CNOT6L: variants seen among roughly 807,000 people sequenced by gnomAD.
CNOT6L encodes CCR4-NOT transcription complex subunit 6-like.
Under a neutral mutation model 64.0 loss-of-function variants are expected in CNOT6L, and 7 were observed. The ratio of observed to expected loss-of-function variants is 0.11; its 90% CI spans 0.06 to 0.21. The LOEUF (loss-of-function observed/expected upper bound fraction) is 0.21. CNOT6L is among the 10% of genes least tolerant of loss of function. The probability of loss-of-function intolerance (pLI) is 1.00; values close to 1 mark genes in which losing one functional copy is unlikely to be tolerated. For synonymous variants in CNOT6L, 193 were observed against 243.4 expected (o/e 0.79, Z 1.93); for missense variants, 245 against 669.0 (o/e 0.37, Z 6.99).
chr4:77,806,003 C>A (rs1290287336), intron 1 of CNOT6L, among the ~76,000 whole-genome samples: 2 of 152,200 alleles, frequency 1.3e-5, no homozygotes, highest in African/African-American at 2.4e-5. Context: ...TTTTCTCATT[C>A]GTCTCTGACT....
At chr4:77,721,461 T>C (rs1025965891) in intron 11 of CNOT6L, among the ~76,000 whole-genome samples, 7 of 152,168 alleles carry the variant, frequency 4.6e-5, no homozygotes, top group Admixed American at 6.6e-5. Flanking sequence ...TGAGCCCAAG[T>C]AGGGAGAAAT....
At chr4:77,814,503 G>A (rs1178783400) in intron 1 of CNOT6L, among the ~76,000 whole-genome samples, 10 of 152,032 alleles carry the variant, frequency 6.6e-5, no homozygotes, top group Non-Finnish European at 1.3e-4. Flanking sequence ...TAGTTCATTT[G>A]TTTTGAAATA....
intron 4 of CNOT6L, among the ~76,000 whole-genome samples, chr4:77,763,219 CAA>C (rs1216324979): frequency 6.6e-6 from 1 of 151,808 alleles, no homozygotes; most frequent in African/African-American, 2.4e-5. Flanking sequence ...ACATTAAAAA[CAA>C]AGAGTAGAAT....
chr4:77,809,833 G>A (rs1732705906), intron 1 of CNOT6L, among the ~76,000 whole-genome samples: 1 of 151,942 alleles, frequency 6.6e-6, no homozygotes, highest in African/African-American at 2.4e-5. Flanking sequence ...AGAGAGGGAG[G>A]TTCTCTCTGC....
chr4:77,778,903 G>A (rs1442299520), intron 1 of CNOT6L, among the ~76,000 whole-genome samples: 15 of 151,250 alleles, frequency 9.9e-5, no homozygotes, highest in Non-Finnish European at 2.1e-4. Flanking sequence ...AAAAATTAGC[G>A]GGGCGTGGTG....
At chr4:77,721,876 G>A (rs1417136212) in intron 11 of CNOT6L, among the ~76,000 whole-genome samples, 2 of 152,046 alleles carry the variant, frequency 1.3e-5, no homozygotes, top group Non-Finnish European at 2.9e-5. Context: ...GAAGGCTGAG[G>A]CAGGAGGCTC....
Position 77,713,639 on chromosome 4 carries a change from G to GA in CNOT6L, c.*6791dup, listed in dbSNP as rs1330459124. ...TTTTTTAGTCAATGTTCACATTAAT[G>GA]AAAAAATACTACCAACCGTGTCCTT... On this transcript the variant is annotated 3_prime_UTR_variant, in exon 12 of 12. Coordinates refer to ENST00000504123, the MANE Select transcript of CNOT6L (RefSeq NM_144571.3). 1.3e-5 allele frequency: 2 copies of GA among 152,534 alleles called. No homozygotes were observed. Among genetic ancestry groups the GA allele is most frequent in the African/African-American group, 4.8e-5 (2 of 41,428 alleles). The allele number at this position is 152,534 out of a possible 1,614,324, so 9.4% of individuals were successfully genotyped here. A position where few individuals can be genotyped will look rare whatever the true frequency, so the allele number is the denominator to read the frequency against.
chr4:77,749,210 A>G (rs1209418231), intron 5 of CNOT6L, among the ~76,000 whole-genome samples: 2 of 152,174 alleles, frequency 1.3e-5, no homozygotes, highest in African/African-American at 4.8e-5. Flanking sequence ...CTGAAAGTCT[A>G]CCTATATGAT....
intron 4 of CNOT6L, among the ~76,000 whole-genome samples, chr4:77,765,932 A>G (rs574117240): frequency 1.5e-3 from 229 of 152,348 alleles, no homozygotes; most frequent in African/African-American, 5.3e-3. Flanking sequence ...TGCATGCAAT[A>G]CAAACTGACT....
intron 4 of CNOT6L, among the ~76,000 whole-genome samples, chr4:77,767,906 G>T (rs538200472): frequency 6.7e-6 from 1 of 150,088 alleles, no homozygotes; most frequent in East Asian, 2.0e-4. Context: ...TTGAACCCAG[G>T]AGGCAGAGGT....
At chr4:77,795,064 G>GGCTGGAGT (rs1730675333) in intron 1 of CNOT6L, among the ~76,000 whole-genome samples, 1 of 141,916 alleles carries the variant, frequency 7.0e-6, no homozygotes, top group African/African-American at 2.6e-5. Context: ...TTGTTGCCTA[G>GGCTGGAGT]GCTGGAGTGC....
chr4:77,753,264 G>A lies in CNOT6L; in HGVS notation c.490+3598C>T, dbSNP rs78471270. On this transcript the variant is annotated intron_variant, in intron 5 of 11. Coordinates refer to ENST00000504123, the MANE Select transcript of CNOT6L (RefSeq NM_144571.3). ...AATTCTTCCAAACAACAGAAAATAA[G>A]GAAATACTTAAATAAATTTTACAAA... 5.7e-3 allele frequency among the ~76,000 whole-genome samples: 837 copies of A among 147,338 alleles called. 35 individuals carry two copies. The East Asian group carries it at 0.093, about 16-fold the overall frequency.
At chr4:77,728,812 A>G in intron 10 of CNOT6L, 42 bp downstream of exon 10, 1 of 1,527,672 alleles carries the variant, frequency 6.5e-7, no homozygotes, top group Middle Eastern at 1.7e-4. Context: ...ACCAAGAGTA[A>G]AAGTGAAATT....
At chr4:77,787,289 A>G (rs543523567) in intron 1 of CNOT6L, among the ~76,000 whole-genome samples, 1 of 152,158 alleles carries the variant, frequency 6.6e-6, no homozygotes, top group Admixed American at 6.5e-5. Flanking sequence ...AATAATAATA[A>G]TAATAGATGA....
intron 4 of CNOT6L, among the ~76,000 whole-genome samples, chr4:77,770,208 C>T (rs1000582939): frequency 2.0e-5 from 3 of 151,938 alleles, no homozygotes; most frequent in African/African-American, 7.3e-5. Flanking sequence ...CAAATCATTA[C>T]TAAAATTTCA....
chr4:77,723,661 A>G (rs1171744357), intron 11 of CNOT6L, among the ~76,000 whole-genome samples: 1 of 152,046 alleles, frequency 6.6e-6, no homozygotes, highest in African/African-American at 2.4e-5. Context: ...CAGCCAGCCT[A>G]TTTATCTTCC....
intron 5 of CNOT6L, among the ~76,000 whole-genome samples, chr4:77,752,522 T>TA (rs1308084859): frequency 2.0e-5 from 3 of 152,138 alleles, no homozygotes; most frequent in African/African-American, 7.2e-5. Context: ...TTAATCAAGA[T>TA]ATGTTCTCTA....
intron 1 of CNOT6L, among the ~76,000 whole-genome samples, chr4:77,810,934 T>G (rs555679253): frequency 6.6e-6 from 1 of 152,118 alleles, no homozygotes; most frequent in South Asian, 2.1e-4. Context: ...CTTAACACAG[T>G]GTCCTCTAGT....
At chr4:77,775,345 G>GA (rs1349847529) in intron 2 of CNOT6L, among the ~76,000 whole-genome samples, 3 of 151,856 alleles carry the variant, frequency 2.0e-5, no homozygotes, top group African/African-American at 2.4e-5. Flanking sequence ...GCCTACTGGG[G>GA]AAAAAATGGC....
Sources: allele counts gnomAD v4.1 joint callset (sites outside exome capture counted in the v4.1 genomes callset), GRCh38; gene constraint gnomAD v4.1.1; transcripts MANE v1.5; gene names NCBI Gene and HGNC (gene_info 2026-07-23, HGNC 2026-07-21).